The following ROBO2 variants were observed in gnomAD, a reference collection of about 807,000 sequenced individuals.
The protein encoded by ROBO2 is roundabout guidance receptor 2, also known as roundabout homolog 2.
ROBO2 carries 53 observed loss-of-function variants against 160.8 expected under a neutral mutation model. That is an observed-to-expected ratio of 0.33 (90% CI 0.26 to 0.41). The LOEUF (loss-of-function observed/expected upper bound fraction) is 0.41. ROBO2 is among the 10% of genes least tolerant of loss of function. The pLI is 1.00. For missense variants in ROBO2, 1,577 were observed against 1,722.4 expected, an observed-to-expected ratio of 0.92 and a Z score of 1.49; for synonymous variants, 664 against 611.7, an observed-to-expected ratio of 1.09 and a Z score of -1.26.
rs200482246 is a variant in ROBO2, at chr3:76,910,242, T to G, written c.110-187772T>G. Among the ~76,000 whole-genome samples the G allele has an allele frequency of 3.2e-4, 48 of 152,278 alleles. No homozygotes were observed. In the East Asian group the frequency reaches 8.9e-3, roughly 28 times the overall value. On this transcript the variant is annotated intron_variant, in intron 2 of 26. Transcript: ENST00000487694. ...AAATCTTTGAAATTTATTAAGTCAT[T>G]AGCTACTACAAAAACTTTTACTGAA... is the stretch of plus-strand genomic sequence containing the variant.
intron 2 of ROBO2, among the ~76,000 whole-genome samples, chr3:76,696,377 A>ATC (rs769945714): frequency 2.3e-3 from 227 of 97,750 alleles, no homozygotes; most frequent in African/African-American, 8.5e-3. Context: ...TTTTAAATGG[A>ATC]TCTCTTTTTT....
chr3:77,240,205 C>T (rs778783036), intron 2 of ROBO2, among the ~76,000 whole-genome samples: 1 of 152,134 alleles, frequency 6.6e-6, no homozygotes, highest in Non-Finnish European at 1.5e-5. Flanking sequence ...TCGGGCATGG[C>T]AGGCTGCAGG....
At chr3:76,695,526 A>C (rs936909395) in intron 2 of ROBO2, among the ~76,000 whole-genome samples, 16 of 152,226 alleles carry the variant, frequency 1.1e-4, no homozygotes, top group African/African-American at 3.9e-4. Context: ...TAAATATAAC[A>C]ATGCCTTTGA....
At chr3:76,366,109 A>AT (rs2075798511) in intron 2 of ROBO2, among the ~76,000 whole-genome samples, 1 of 151,990 alleles carries the variant, frequency 6.6e-6, no homozygotes, top group Non-Finnish European at 1.5e-5. Context: ...ATAGAATGTC[A>AT]TTGTTCCTTA....
chr3:76,866,016 C>A (rs1431237742), intron 2 of ROBO2, among the ~76,000 whole-genome samples: 1 of 152,070 alleles, frequency 6.6e-6, no homozygotes, highest in African/African-American at 2.4e-5. Context: ...TTAAGCCTTA[C>A]CAGCCAAATT....
intron 2 of ROBO2, among the ~76,000 whole-genome samples, chr3:76,440,147 G>C (rs890000791): frequency 6.6e-6 from 1 of 152,106 alleles, no homozygotes; most frequent in Admixed American, 6.6e-5. Flanking sequence ...ATGATGTGGG[G>C]GGAAAGCGAG....
intron 2 of ROBO2, among the ~76,000 whole-genome samples, chr3:76,155,705 G>A (rs1482575978): frequency 6.6e-6 from 1 of 152,122 alleles, no homozygotes; most frequent in Non-Finnish European, 1.5e-5. Flanking sequence ...ATTAAGCCAT[G>A]TGTATTTTTT....
chr3:76,798,560 T>A (rs1274260725), intron 2 of ROBO2, among the ~76,000 whole-genome samples: 1 of 152,124 alleles, frequency 6.6e-6, no homozygotes, highest in African/African-American at 2.4e-5. Flanking sequence ...AACGCTTTGA[T>A]AAAATTCAGT....
chr3:76,768,975 CT>C (rs1289742069), intron 2 of ROBO2, among the ~76,000 whole-genome samples: 2 of 151,226 alleles, frequency 1.3e-5, no homozygotes, highest in Non-Finnish European at 3.0e-5. Context: ...AAGCTTATTC[CT>C]TTTTAAAATT....
At chr3:77,153,579 C>T (rs2150547395) in intron 2 of ROBO2, among the ~76,000 whole-genome samples, 1 of 152,152 alleles carries the variant, frequency 6.6e-6, no homozygotes, top group South Asian at 2.1e-4. Flanking sequence ...AGTTGACTTC[C>T]TAGTTCCTGA....
chr3:77,212,123 T>C (rs936435993), intron 2 of ROBO2, among the ~76,000 whole-genome samples: 1 of 152,182 alleles, frequency 6.6e-6, no homozygotes, highest in Non-Finnish European at 1.5e-5. Flanking sequence ...AAGTCATTGG[T>C]AGCTTGATGG....
chr3:77,346,676 A>G (rs999356222), intron 2 of ROBO2, among the ~76,000 whole-genome samples: 3 of 152,132 alleles, frequency 2.0e-5, no homozygotes, highest in African/African-American at 7.2e-5. Flanking sequence ...GCAGGAATTC[A>G]GTGTTCTACA....
At chr3:76,272,960 A>T (rs1356350896) in intron 2 of ROBO2, among the ~76,000 whole-genome samples, 3 of 52,276 alleles carry the variant, frequency 5.7e-5, no homozygotes, top group East Asian at 4.2e-4. Context: ...TATAATATAT[A>T]TTTATATATA....
At chr3:77,150,012 A>T (rs1262877728) in intron 2 of ROBO2, among the ~76,000 whole-genome samples, 3 of 152,152 alleles carry the variant, frequency 2.0e-5, no homozygotes, top group African/African-American at 7.2e-5. Context: ...TTGGATGATT[A>T]TTTTATTTGT....
chr3:76,227,458 A>G (rs1211490699), intron 2 of ROBO2, among the ~76,000 whole-genome samples: 2 of 152,138 alleles, frequency 1.3e-5, no homozygotes, highest in Non-Finnish European at 2.9e-5. Context: ...GTACACCTCA[A>G]ATAAATCTTA....
intron 2 of ROBO2, among the ~76,000 whole-genome samples, chr3:76,574,931 T>C (rs2085194128): frequency 6.6e-6 from 1 of 152,190 alleles, no homozygotes; most frequent in South Asian, 2.1e-4. Flanking sequence ...TGAATGTTGA[T>C]TGCCTTCTAT....
At chr3:76,745,827 ATTTATTTAT>A (rs2093878620) in intron 2 of ROBO2, among the ~76,000 whole-genome samples, 1 of 145,984 alleles carries the variant, frequency 6.9e-6, no homozygotes, top group African/African-American at 2.6e-5. Flanking sequence ...TTATTTATTT[ATTTATTTAT>A]TTTATTATTA....
At chr3:77,143,610 C>T (rs2076896396) in intron 2 of ROBO2, among the ~76,000 whole-genome samples, 1 of 152,096 alleles carries the variant, frequency 6.6e-6, no homozygotes. Context: ...TATATAAAAT[C>T]ATAGTGCCTC....
chr3:77,597,853 A>G (rs541775784), intron 19 of ROBO2, among the ~76,000 whole-genome samples: 1 of 152,306 alleles, frequency 6.6e-6, no homozygotes, highest in Admixed American at 6.5e-5. Context: ...TAAGAAATAT[A>G]GAAGGATAGA....
Sources: gnomAD v4.1 joint callset for allele counts (sites outside exome capture counted in the v4.1 genomes callset) on GRCh38, gnomAD v4.1.1 for gene constraint, MANE v1.5 for transcripts, NCBI Gene and HGNC (gene_info 2026-07-23, HGNC 2026-07-21) for gene names.